SCRG1: variants seen among roughly 807,000 people sequenced by gnomAD.
The protein encoded by SCRG1 is scrapie-responsive protein 1.
Under a neutral mutation model 7.7 loss-of-function variants are expected in SCRG1, and 3 were observed. The observed-to-expected ratio is 0.39, with a 90% CI of 0.18 to 1.01. The LOEUF (loss-of-function observed/expected upper bound fraction) is 1.01. SCRG1 is among the 50% of genes least tolerant of loss of function. The pLI, the probability that SCRG1 is intolerant of heterozygous loss-of-function variation, is 0.36. For synonymous variants in SCRG1, 46 were observed against 41.2 expected, an observed-to-expected ratio of 1.12 and a Z score of -0.44; for missense variants, 110 against 117.2, an observed-to-expected ratio of 0.94 and a Z score of 0.28.
intron 1 of SCRG1, among the ~76,000 whole-genome samples, chr4:173,393,040 G>A (rs915172950): frequency 2.6e-5 from 4 of 150,946 alleles, no homozygotes; most frequent in African/African-American, 7.3e-5. Context: ...GCAGTGAGCA[G>A]AGATCAAGCC....
chr4:173,456,818 G>A, the SCRG1 span, among the ~76,000 whole-genome samples: 1 of 152,206 alleles, frequency 6.6e-6, no homozygotes, highest in South Asian at 2.1e-4. Flanking sequence ...GGATTGAAAG[G>A]TTTTTGCTTG....
chr4:173,447,543 G>A, the SCRG1 span, among the ~76,000 whole-genome samples: 1 of 152,200 alleles, frequency 6.6e-6, no homozygotes, highest in Non-Finnish European at 1.5e-5. Context: ...AAAATTCACT[G>A]ATTAGTTTTC....
chr4:173,501,147 C>G, the SCRG1 span, among the ~76,000 whole-genome samples: 1 of 152,172 alleles, frequency 6.6e-6, no homozygotes, highest in Non-Finnish European at 1.5e-5. The surrounding 1 kb of genome is among the most constrained non-coding windows in gnomAD (Gnocchi z 5.1). Flanking sequence ...GCAGGGTGTC[C>G]GAGCTCCCGC....
rs962532437 is a variant in SCRG1, at chr4:173,388,505, C to T, written c.243-110G>A. The T allele has an allele frequency of 2.6e-5, 18 of 701,966 alleles. No homozygotes were observed. In the African/African-American group the frequency reaches 3.3e-4, roughly 13 times the overall value. The allele number at this position is 701,966 out of a possible 1,614,324, so 43.5% of individuals were successfully genotyped here. A position where few individuals can be genotyped will look rare whatever the true frequency, so the allele number is the denominator to read the frequency against. On this transcript the variant is annotated intron_variant, in intron 2 of 2. Coordinates refer to ENST00000296506, the MANE Select transcript of SCRG1 (RefSeq NM_007281.4). ...TTCCAGGATTTCAGTTATGATTATT[C>T]TTTTTAGGTGACTAAAATGTAAAGA...
the SCRG1 span, among the ~76,000 whole-genome samples, chr4:173,428,515 C>T: frequency 6.6e-6 from 1 of 152,114 alleles, no homozygotes; most frequent in Non-Finnish European, 1.5e-5. Context: ...TTGAACTCTC[C>T]CCTTCAGGAC....
chr4:173,446,877 A>C, the SCRG1 span, among the ~76,000 whole-genome samples: 1,823 of 152,358 alleles, frequency 0.012, 48 homozygotes, highest in African/African-American at 0.042. Context: ...ACTTGAAAGA[A>C]TGACTGACGG....
At chr4:173,492,740 G>A in the SCRG1 span, among the ~76,000 whole-genome samples, 1 of 152,042 alleles carries the variant, frequency 6.6e-6, no homozygotes, top group East Asian at 1.9e-4. Flanking sequence ...GAGCCCTCTC[G>A]TACACCTACA....
the SCRG1 span, among the ~76,000 whole-genome samples, chr4:173,515,484 A>G: frequency 5.3e-5 from 8 of 152,188 alleles, no homozygotes; most frequent in African/African-American, 1.9e-4. This position sits in a 1 kb window ranked among gnomAD's most constrained non-coding sequence, Gnocchi z 4.6. Context: ...TGGGTTCTTC[A>G]TATTTCAAGT....
At chr4:173,489,154 G>C in the SCRG1 span, among the ~76,000 whole-genome samples, 2 of 152,128 alleles carry the variant, frequency 1.3e-5, no homozygotes, top group Non-Finnish European at 2.9e-5. Context: ...CTGTTTCAGG[G>C]CAAAGATAAT....
chr4:173,412,899 C>G, the SCRG1 span, among the ~76,000 whole-genome samples: 1 of 152,186 alleles, frequency 6.6e-6, no homozygotes, highest in African/African-American at 2.4e-5. Context: ...TTGAGAATCT[C>G]TAGCTTAGGA....
intron 1 of SCRG1, among the ~76,000 whole-genome samples, chr4:173,397,071 A>G (rs1409370411): frequency 6.6e-6 from 1 of 152,150 alleles, no homozygotes; most frequent in East Asian, 1.9e-4. Context: ...GAAATAAAAT[A>G]AAACAAAATA....
chr4:173,385,699 T>C lies in SCRG1; in HGVS notation c.*2642A>G, dbSNP rs958209636. 3.9e-5 allele frequency: 6 copies of C among 152,202 alleles called. No homozygotes were observed. Among genetic ancestry groups the C allele is most frequent in the African/African-American group, 1.4e-4 (6 of 41,468 alleles). The allele number at this position is 152,202 out of a possible 1,614,324, so 9.4% of individuals were successfully genotyped here. A position where few individuals can be genotyped will look rare whatever the true frequency, so the allele number is the denominator to read the frequency against. ...ATTTTATTTATTAAATATTTAGCTT[T>C]GTTAGATACAATTTTTCTTACCAGG... On this transcript the variant is annotated 3_prime_UTR_variant, in exon 3 of 3. Transcript: ENST00000296506.
chr4:173,514,059 A>G, the SCRG1 span, among the ~76,000 whole-genome samples: 3 of 152,234 alleles, frequency 2.0e-5, no homozygotes, highest in Non-Finnish European at 1.5e-5. Flanking sequence ...CCTACTGAAG[A>G]TATGGGATTG....
chr4:173,421,128 CT>C, the SCRG1 span, among the ~76,000 whole-genome samples: 1 of 151,896 alleles, frequency 6.6e-6, no homozygotes, highest in East Asian at 1.9e-4. Context: ...GGAATGATGA[CT>C]TTGGATCAGA....
intron 1 of SCRG1, among the ~76,000 whole-genome samples, chr4:173,391,638 G>T (rs187128317): frequency 3.6e-4 from 55 of 151,766 alleles, no homozygotes; most frequent in Non-Finnish European, 5.0e-4. Context: ...AATCAAATGC[G>T]CAGGCTTCTG....
At chr4:173,472,560 A>T in the SCRG1 span, among the ~76,000 whole-genome samples, 6 of 152,212 alleles carry the variant, frequency 3.9e-5, no homozygotes, top group Non-Finnish European at 7.3e-5. Flanking sequence ...CCAATGATAC[A>T]GTTCCAGTCT....
intron 1 of SCRG1, among the ~76,000 whole-genome samples, chr4:173,405,920 T>C (rs1453768112): frequency 1.3e-5 from 2 of 152,252 alleles, no homozygotes; most frequent in Non-Finnish European, 2.9e-5. Flanking sequence ...AACCAAGATC[T>C]GGGAGCTAGG....
At chr4:173,490,955 A>C in the SCRG1 span, among the ~76,000 whole-genome samples, 2 of 152,038 alleles carry the variant, frequency 1.3e-5, no homozygotes, top group Non-Finnish European at 2.9e-5. Flanking sequence ...GGGATGTGGG[A>C]CCTGCCCTGC....
chr4:173,390,846 A>C (rs1054079894), intron 2 of SCRG1, among the ~76,000 whole-genome samples: 3 of 152,212 alleles, frequency 2.0e-5, no homozygotes, highest in Non-Finnish European at 4.4e-5. Context: ...TTAAGAGTTC[A>C]ACCTTGAGAT....
Sources: allele counts gnomAD v4.1 joint callset (sites outside exome capture counted in the v4.1 genomes callset), GRCh38; gene constraint gnomAD v4.1.1; non-coding constraint Gnocchi (gnomAD v3.1); transcripts MANE v1.5; gene names NCBI Gene and HGNC (gene_info 2026-07-23, HGNC 2026-07-21).